The following EPB41L4B variants were observed in gnomAD, a reference collection of about 807,000 sequenced individuals.
EPB41L4B encodes the protein erythrocyte membrane protein band 4.1 like 4B.
Under a neutral mutation model 112.5 loss-of-function variants are expected in EPB41L4B, and 30 were observed. The ratio of observed to expected loss-of-function variants is 0.27; its 90% CI spans 0.20 to 0.36. The LOEUF (loss-of-function observed/expected upper bound fraction) is 0.36, where lower values mean the gene tolerates loss of function less well. Among genes scored for constraint, EPB41L4B ranks in the 10% least tolerant of loss-of-function variants. The pLI, the probability that EPB41L4B is intolerant of heterozygous loss-of-function variation, is 1.00. For synonymous variants in EPB41L4B, 408 were observed against 439.7 expected, an observed-to-expected ratio of 0.93 and a Z score of 0.90; for missense variants, 1,024 against 1,133.3, an observed-to-expected ratio of 0.90 and a Z score of 1.38.
At position 109,238,507 on chromosome 9, in the gene EPB41L4B, G is replaced by A. The variant is rs1228616648; in HGVS notation, c.1409+5111C>T. Among the ~76,000 whole-genome samples, 3 of 152,202 alleles carry A rather than the reference G, an allele frequency of 2.0e-5. No homozygotes were observed. In the East Asian group the frequency reaches 5.8e-4, roughly 29 times the overall value. On this transcript the variant is annotated intron_variant, in intron 15 of 25. Transcript: ENST00000374566. The stretch of plus-strand genomic sequence containing the variant: ...GAATGTGGAATAATCCATTTGCTGA[G>A]CAGACATTCACTGAGCACCTGCTAT...
intron 6 of EPB41L4B, 116 bp downstream of exon 6, chr9:109,262,934 C>A: frequency 5.6e-6 from 4 of 713,814 alleles, no homozygotes; most frequent in Non-Finnish European, 9.3e-6. Context: ...GAGACCGTGT[C>A]ATATTCATTT....
chr9:109,320,382 G>A lies in EPB41L4B; in HGVS notation c.65C>T (p.Ala22Val). 4.1e-6 allele frequency: 4 copies of A among 980,674 alleles called. No homozygotes were observed. In the African/African-American group the frequency reaches 5.3e-5, roughly 13 times the overall value. The allele number at this position is 980,674 out of a possible 1,614,324, so 60.7% of individuals were successfully genotyped here. Residue 22 changes from alanine (A) to valine (V), a missense_variant, in exon 1 of 26, where the codon GCG (alanine) becomes GTG (valine). By Grantham distance (64) the Ala-to-Val change is moderately conservative. Coordinates refer to ENST00000374566, the MANE Select transcript of EPB41L4B (RefSeq NM_019114.5). Reference protein sequence around the residue: ...RSMQRYARGAAGRGAAGLGDE... With the variant: ...RSMQRYARGAVGRGAAGLGDE... ...CCCCAGCCCGGCGGCCCCGCGCCCC[G>A]CCGCGCCCCGCGCGTAGCGCTGCAT... is the stretch of plus-strand genomic sequence containing the variant.
At chr9:109,301,805 A>ATTAG (rs1836979028) in intron 1 of EPB41L4B, among the ~76,000 whole-genome samples, 1 of 152,194 alleles carries the variant, frequency 6.6e-6, no homozygotes, top group Admixed American at 6.5e-5. Context: ...CAGGTGGCTA[A>ATTAG]GGTGGGAGGA....
At chr9:109,259,706 G>T (rs1208213268) in intron 6 of EPB41L4B, among the ~76,000 whole-genome samples, 2 of 152,188 alleles carry the variant, frequency 1.3e-5, no homozygotes, top group Non-Finnish European at 2.9e-5. Context: ...TGCAACAGAT[G>T]AGTGGCCTAT....
At chr9:109,311,402 G>A (rs967590892) in intron 1 of EPB41L4B, among the ~76,000 whole-genome samples, 1 of 152,132 alleles carries the variant, frequency 6.6e-6, no homozygotes, top group Admixed American at 6.5e-5. Context: ...CAGCTCTGCA[G>A]GCACCCGCTG....
chr9:109,279,871 G>A lies in EPB41L4B; in HGVS notation c.357C>T (p.Asp119=). 6.2e-7 allele frequency: 1 copy of A among 1,614,028 alleles called. No homozygotes were observed. The highest frequency in any genetic ancestry group is 8.5e-7 in the Non-Finnish European group (1 of 1,180,010). ...DLFDQIVYHL[D]LVETDYFGLQ... ...GGCCAAAGTAATCTGTTTCCACAAG[G>A]TCCAAGTGGTACACAATCTGATCAA... Residue 119 remains aspartate (D), a synonymous_variant, in exon 2 of 26, where the codon GAC becomes GAT. Coordinates refer to ENST00000374566, the MANE Select transcript of EPB41L4B (RefSeq NM_019114.5).
At chr9:109,186,516 C>T (rs1351767729) in intron 22 of EPB41L4B, among the ~76,000 whole-genome samples, 2 of 151,736 alleles carry the variant, frequency 1.3e-5, no homozygotes, top group East Asian at 3.9e-4. Flanking sequence ...GCTCTGTCAC[C>T]CAGGCTGGAG....
intron 13 of EPB41L4B, 46 bp downstream of exon 13, chr9:109,251,435 G>T: frequency 6.4e-7 from 1 of 1,572,050 alleles, no homozygotes; most frequent in Non-Finnish European, 8.8e-7. Context: ...AAATAAATAC[G>T]ATCCTTAGAG....
chr9:109,242,847 TAA>T (rs11292845), intron 15 of EPB41L4B, among the ~76,000 whole-genome samples: 70,797 of 127,710 alleles, frequency 0.55, 18,397 homozygotes, highest in Admixed American at 0.62. Context: ...AAGCTAGCCT[TAA>T]AAAAAAAAAA....
chr9:109,199,861 G>A (rs1412282972), intron 20 of EPB41L4B, among the ~76,000 whole-genome samples: 3 of 152,082 alleles, frequency 2.0e-5, no homozygotes, highest in Admixed American at 1.3e-4. Flanking sequence ...GTCAGCAACC[G>A]TAAAAACAAG....
chr9:109,240,911 A>C, intron 15 of EPB41L4B: 1 of 985,480 alleles, frequency 1.0e-6, no homozygotes, highest in Non-Finnish European at 1.2e-6. Flanking sequence ...AATTCGATCA[A>C]AACAAATGCT....
At position 109,295,204 on chromosome 9, in the gene EPB41L4B, TCA is replaced by T. The variant is rs201604592; in HGVS notation, c.307-15285_307-15284del. Reference sequence around the variant, plus strand: ...GCACTCCTGGACTTTGTGCCTAACTTCACAGACACCACGTCCTTTTACAGCAA... The same window carrying T: ...GCACTCCTGGACTTTGTGCCTAACTTCAGACACCACGTCCTTTTACAGCAA... On this transcript the variant is annotated intron_variant, in intron 1 of 25. Transcript: ENST00000374566. 7.5e-3 allele frequency among the ~76,000 whole-genome samples: 1,149 copies of T among 152,202 alleles called. 10 individuals are homozygous for T. The highest frequency in any genetic ancestry group is 0.026 in the African/African-American group (1,093 of 41,496).
At chr9:109,263,787 C>T (rs1306328565) in intron 5 of EPB41L4B, among the ~76,000 whole-genome samples, 2 of 152,196 alleles carry the variant, frequency 1.3e-5, no homozygotes, top group South Asian at 2.1e-4. Context: ...TGAGCCCCCC[C>T]GACCCATCTC....
chr9:109,198,542 T>A (rs1416362880), intron 20 of EPB41L4B, among the ~76,000 whole-genome samples: 1 of 151,998 alleles, frequency 6.6e-6, no homozygotes, highest in Non-Finnish European at 1.5e-5. Context: ...CGTCCAGAGA[T>A]CCCCCTGCAG....
chr9:109,251,475 A>G lies in EPB41L4B; in HGVS notation c.1310+6T>C. On this transcript the variant is annotated splice_donor_region_variant and intron_variant, in intron 13 of 25. Coordinates refer to ENST00000374566, the MANE Select transcript of EPB41L4B (RefSeq NM_019114.5). ...GAGCTGTGCTCTAGAGCTCAAGGACACTCACCAGAGCTGGGCTGCTATCAC... is the reference window on the plus strand; with the variant it reads ...GAGCTGTGCTCTAGAGCTCAAGGACGCTCACCAGAGCTGGGCTGCTATCAC... 6.2e-7 allele frequency: 1 copy of G among 1,613,394 alleles called. No homozygotes were observed. The highest frequency in any genetic ancestry group is 8.5e-7 in the Non-Finnish European group (1 of 1,179,274).
chr9:109,192,214 T>C (rs755914520), intron 22 of EPB41L4B, 64 bp downstream of exon 22: 73 of 1,319,334 alleles, frequency 5.5e-5, no homozygotes, highest in South Asian at 2.5e-4. Context: ...TGTCCATCCG[T>C]CCCACTGCCA....
intron 20 of EPB41L4B, among the ~76,000 whole-genome samples, chr9:109,197,949 T>A (rs755105766): frequency 5.9e-5 from 9 of 152,188 alleles, no homozygotes; most frequent in Non-Finnish European, 1.3e-4. Flanking sequence ...ATAGTAACAT[T>A]TTGAGTTTCA....
At chr9:109,276,220 CCAAA>C (rs1835818758) in intron 2 of EPB41L4B, among the ~76,000 whole-genome samples, 1 of 145,836 alleles carries the variant, frequency 6.9e-6, no homozygotes, top group African/African-American at 2.6e-5. Flanking sequence ...AAACCCAAGG[CCAAA>C]CAGTCAAATG....
chr9:109,210,481 C>T (rs1390089296), intron 17 of EPB41L4B, among the ~76,000 whole-genome samples: 1 of 152,140 alleles, frequency 6.6e-6, no homozygotes, highest in Non-Finnish European at 1.5e-5. Context: ...GCAGTAATGA[C>T]CGAAGACCCA....
Sources: gnomAD v4.1 joint callset for allele counts (sites outside exome capture counted in the v4.1 genomes callset) on GRCh38, gnomAD v4.1.1 for gene constraint, MANE v1.5 for transcripts, NCBI Gene and HGNC (gene_info 2026-07-23, HGNC 2026-07-21) for gene names.